The following ADAMTS17 variants were observed in gnomAD, a reference collection of about 807,000 sequenced individuals.
ADAMTS17 encodes the protein ADAM metallopeptidase with thrombospondin type 1 motif 17, also known as A disintegrin and metalloproteinase with thrombospondin motifs 17.
Under a neutral mutation model 141.5 loss-of-function variants are expected in ADAMTS17, and 113 were observed. The observed-to-expected ratio is 0.80, with a 90% CI of 0.69 to 0.93. The LOEUF is 0.93. Ranked by LOEUF, ADAMTS17 falls within the 40% of genes least tolerant of loss-of-function variation. The pLI is 0.00. For synonymous variants in ADAMTS17, 768 were observed against 630.6 expected, an observed-to-expected ratio of 1.22 and a Z score of -3.27; for missense variants, 1,659 against 1,517.9, an observed-to-expected ratio of 1.09 and a Z score of -1.54.
chr15:100,194,930 G>C (rs1280735803), intron 8 of ADAMTS17, among the ~76,000 whole-genome samples: 2 of 152,212 alleles, frequency 1.3e-5, no homozygotes, highest in Admixed American at 6.5e-5. Flanking sequence ...GCCACCGCAG[G>C]ATGGAGAAAG....
chr15:100,028,066 C>G (rs986888941), intron 18 of ADAMTS17, among the ~76,000 whole-genome samples: 21 of 152,314 alleles, frequency 1.4e-4, no homozygotes, highest in African/African-American at 5.1e-4. Flanking sequence ...CCTCTAGGAA[C>G]TGTAGTGCCT....
intron 8 of ADAMTS17, among the ~76,000 whole-genome samples, chr15:100,175,220 A>G (rs1021143403): frequency 9.9e-5 from 15 of 152,218 alleles, no homozygotes; most frequent in Admixed American, 1.3e-4. Flanking sequence ...TTTTATTTAA[A>G]TGTCTGCTTT....
chr15:100,126,780 C>T (rs963401989), intron 12 of ADAMTS17, among the ~76,000 whole-genome samples: 4 of 152,168 alleles, frequency 2.6e-5, no homozygotes, highest in African/African-American at 9.7e-5. Context: ...ATGGAGTGGC[C>T]GCTCTGCTGT....
chr15:100,287,677 A>G (rs935176416), intron 3 of ADAMTS17, among the ~76,000 whole-genome samples: 13 of 152,242 alleles, frequency 8.5e-5, no homozygotes, highest in Non-Finnish European at 1.6e-4. Context: ...TCAGGCTAAC[A>G]GCAGACCTTT....
At chr15:100,106,775 G>A (rs1395377752) in intron 14 of ADAMTS17, among the ~76,000 whole-genome samples, 2 of 152,208 alleles carry the variant, frequency 1.3e-5, no homozygotes, top group Non-Finnish European at 2.9e-5. Context: ...AATTTGGGTC[G>A]GACACCAGCC....
At chr15:100,104,439 C>T (rs568342298) in intron 14 of ADAMTS17, among the ~76,000 whole-genome samples, 1 of 152,272 alleles carries the variant, frequency 6.6e-6, no homozygotes, top group African/African-American at 2.4e-5. Context: ...AATAAAATGG[C>T]ATTTCCATGT....
intron 14 of ADAMTS17, among the ~76,000 whole-genome samples, chr15:100,108,506 G>C (rs751103776): frequency 3.9e-5 from 6 of 152,112 alleles, no homozygotes; most frequent in South Asian, 2.1e-4. Context: ...TTTTATCACT[G>C]TTCTAACCAG....
At chr15:100,048,431 A>C (rs544705718) in intron 18 of ADAMTS17, among the ~76,000 whole-genome samples, 1 of 152,044 alleles carries the variant, frequency 6.6e-6, no homozygotes, top group Non-Finnish European at 1.5e-5. Context: ...CAAGATCCAC[A>C]CTCACTGGCA....
intron 14 of ADAMTS17, among the ~76,000 whole-genome samples, chr15:100,103,102 C>T (rs181102221): frequency 6.0e-4 from 91 of 152,294 alleles, no homozygotes; most frequent in Middle Eastern, 3.4e-3. Context: ...AGTGGAGTCC[C>T]GCATGGAAGA....
chr15:100,072,851 G>A (rs1264878753), intron 15 of ADAMTS17, among the ~76,000 whole-genome samples: 1 of 152,164 alleles, frequency 6.6e-6, no homozygotes, highest in African/African-American at 2.4e-5. Flanking sequence ...GCATGGGGAA[G>A]GACTTCATGT....
At chr15:100,156,195 A>G (rs1385503280) in intron 8 of ADAMTS17, among the ~76,000 whole-genome samples, 2 of 152,236 alleles carry the variant, frequency 1.3e-5, no homozygotes, top group Non-Finnish European at 2.9e-5. Context: ...ACACTGACAC[A>G]GATAATGATA....
rs1429938608 is a variant in ADAMTS17 at position 99,971,775 on chromosome 15, GGTAACACGTGCGTTA to G, written c.*2612_*2626del. The G allele has an allele frequency of 2.6e-5, 4 of 152,006 alleles. No homozygotes were observed. In the East Asian group the frequency reaches 7.7e-4, roughly 29 times the overall value. The allele number at this position is 152,006 out of a possible 1,614,324, so 9.4% of individuals were successfully genotyped here. Reference sequence around the variant, plus strand: ...TAGCACCGTAGGGTCGTGAGACTCTGGTAACACGTGCGTTAGTGACACGTGTGCAAGCACAAAGGT... The same window carrying G: ...TAGCACCGTAGGGTCGTGAGACTCTGGTGACACGTGTGCAAGCACAAAGGT... On this transcript the variant is annotated 3_prime_UTR_variant, in exon 22 of 22. Coordinates refer to ENST00000268070, the MANE Select transcript of ADAMTS17 (RefSeq NM_139057.4).
chr15:99,988,847 G>C (rs1943887661), intron 20 of ADAMTS17, among the ~76,000 whole-genome samples: 1 of 152,228 alleles, frequency 6.6e-6, no homozygotes, highest in South Asian at 2.1e-4. Flanking sequence ...GGCTGAGTGA[G>C]CCACGTGATG....
At chr15:100,048,526 T>C (rs1192926179) in intron 18 of ADAMTS17, among the ~76,000 whole-genome samples, 1 of 152,000 alleles carries the variant, frequency 6.6e-6, no homozygotes, top group Non-Finnish European at 1.5e-5. Context: ...AATATTTGTT[T>C]CCTTCTCCAC....
At chr15:100,091,010 C>CAA (rs556800178) in intron 15 of ADAMTS17, among the ~76,000 whole-genome samples, 4 of 54,592 alleles carry the variant, frequency 7.3e-5, no homozygotes, top group Admixed American at 2.1e-4. Flanking sequence ...TCCGTCTCAA[C>CAA]AAAAAAAAAA....
chr15:100,279,738 T>C (rs2044221315), intron 4 of ADAMTS17, among the ~76,000 whole-genome samples: 1 of 152,142 alleles, frequency 6.6e-6, no homozygotes, highest in African/African-American at 2.4e-5. Flanking sequence ...CTCTACAAAG[T>C]TCCCCTTGAC....
chr15:100,089,140 C>T (rs2035290815), intron 15 of ADAMTS17, among the ~76,000 whole-genome samples: 3 of 151,536 alleles, frequency 2.0e-5, no homozygotes, highest in Admixed American at 2.0e-4. Context: ...AACAAATCTA[C>T]AAGAAAAAAA....
intron 10 of ADAMTS17, among the ~76,000 whole-genome samples, chr15:100,147,544 C>T (rs2038967145): frequency 6.6e-6 from 1 of 152,064 alleles, no homozygotes. Context: ...TTTTGTGTAT[C>T]TAAACATCGA....
At chr15:99,994,597 C>T (rs927641975) in intron 19 of ADAMTS17, among the ~76,000 whole-genome samples, 33 of 152,196 alleles carry the variant, frequency 2.2e-4, no homozygotes, top group Admixed American at 1.6e-3. Flanking sequence ...GACGGAGTCT[C>T]GCTCTGTCAC....
Sources: allele counts gnomAD v4.1 joint callset (sites outside exome capture counted in the v4.1 genomes callset), GRCh38; gene constraint gnomAD v4.1.1; transcripts MANE v1.5; gene names NCBI Gene and HGNC (gene_info 2026-07-23, HGNC 2026-07-21).